TPGS1: variants seen among roughly 807,000 people sequenced by gnomAD.
TPGS1 encodes gene trap ROSA b-geo 22.
TPGS1 carries 18 observed loss-of-function variants against 11.9 expected under a neutral mutation model. The ratio of observed to expected loss-of-function variants is 1.51; its 90% CI spans 1.04 to 2.24. The LOEUF is 2.24. Among genes scored for constraint, TPGS1 ranks in the 30% most tolerant of loss-of-function variants. TPGS1 has a pLI of 0.00. For missense variants in TPGS1, 500 were observed against 443.0 expected, an observed-to-expected ratio of 1.13 and a Z score of -1.16; for synonymous variants, 247 against 218.2, an observed-to-expected ratio of 1.13 and a Z score of -1.16.
At chr19:510,158 G>A (rs1978742548) in intron 1 of TPGS1, 1 of 152,194 alleles carries the variant, frequency 6.6e-6, no homozygotes, top group Non-Finnish European at 1.5e-5. Flanking sequence ...CGGATCACAA[G>A]GTCAGGAGAT....
At chr19:514,947 G>A (rs371361413) in intron 1 of TPGS1, among the ~76,000 whole-genome samples, 3 of 152,186 alleles carry the variant, frequency 2.0e-5, no homozygotes, top group African/African-American at 7.2e-5. Flanking sequence ...CGAGTGGCAC[G>A]TAGTAAGGCC....
At position 518,907 on chromosome 19, in the gene TPGS1, C is replaced by A; in HGVS notation, c.357C>A (p.Asn119Lys). 2 of 1,546,178 alleles carry A rather than the reference C, an allele frequency of 1.3e-6. No individual in the cohort carries two copies. Among genetic ancestry groups the A allele is most frequent in the East Asian group, 4.8e-5 (2 of 41,632 alleles). The change falls in exon 2 of 2, where the codon AAC becomes AAA. Residue 119 changes from asparagine to lysine, a missense_variant. By Grantham distance (94) the Asn-to-Lys change is moderately conservative. Coordinates refer to ENST00000359315, the MANE Select transcript of TPGS1 (RefSeq NM_033513.3). ...TCCGCAGGGCCGCCTTCAACAACAA[C>A]GTGAGCGTGGCCTACGAGTGCCTGA... ...HHSQRAAFNN[N>K]VSVAYECLSA...
At chr19:512,977 G>T (rs1401130856) in intron 1 of TPGS1, among the ~76,000 whole-genome samples, 1 of 152,208 alleles carries the variant, frequency 6.6e-6, no homozygotes. Flanking sequence ...GCCGCCTCGC[G>T]TCGAGCCCCG....
intron 1 of TPGS1, among the ~76,000 whole-genome samples, chr19:513,054 G>A (rs1483073112): frequency 6.6e-6 from 1 of 152,238 alleles, no homozygotes; most frequent in Non-Finnish European, 1.5e-5. Flanking sequence ...AGCCGCCGCC[G>A]AGACGCTGTG....
rs16990489 is a variant in TPGS1, at chr19:507,731, C to T, written c.225C>T (p.Gly75=). ...TGGCTCACTACTTCGAGAACATGGGCCTGCGCTCGCCTGTAAACGGCGGCG... is the reference window on the plus strand; with the variant it reads ...TGGCTCACTACTTCGAGAACATGGGTCTGCGCTCGCCTGTAAACGGCGGCG... ...AFLAHYFENM[G]LRSPVNGGAG... is the part of the protein sequence containing the mutation. Residue 75 remains glycine (G), a synonymous_variant, in exon 1 of 2, where the codon GGC becomes GGT. Coordinates refer to ENST00000359315, the MANE Select transcript of TPGS1 (RefSeq NM_033513.3). 8.7e-3 allele frequency: 12,207 copies of T among 1,397,366 alleles called. 143 individuals are homozygous for T. Among genetic ancestry groups the T allele is most frequent in the African/African-American group, 0.051 (3,348 of 66,280 alleles). The allele number at this position is 1,397,366 out of a possible 1,614,324, so 86.6% of individuals were successfully genotyped here.
At chr19:510,720 GCCT>G in intron 1 of TPGS1, among the ~76,000 whole-genome samples, 1 of 152,320 alleles carries the variant, frequency 6.6e-6, no homozygotes, top group South Asian at 2.1e-4. Context: ...AGCCCCGGAG[GCCT>G]CCTCAGCCAC....
intron 1 of TPGS1, among the ~76,000 whole-genome samples, chr19:515,905 G>A (rs1184079193): frequency 3.3e-4 from 50 of 151,826 alleles, no homozygotes; most frequent in South Asian, 2.1e-4. Context: ...AGTGGCGGAC[G>A]CCTGTAGTCC....
At chr19:516,454 G>C (rs1471224191) in intron 1 of TPGS1, among the ~76,000 whole-genome samples, 1 of 148,468 alleles carries the variant, frequency 6.7e-6, no homozygotes, top group African/African-American at 2.5e-5. Flanking sequence ...GCGCCATCTT[G>C]GCTCACCGCA....
Position 507,528 on chromosome 19 carries a change from C to T in TPGS1, c.22C>T (p.Arg8Trp). 1 of 1,421,544 alleles carries T rather than the reference C, an allele frequency of 7.0e-7. No homozygotes were observed. Among genetic ancestry groups the T allele is most frequent in the Admixed American group, 2.9e-5 (1 of 33,944 alleles). 88.1% of individuals were successfully genotyped at this position (1,421,544 alleles called of 1,614,324 possible). ...GAAGATGGCGGCAGTGGAGAAGCGGCGGCAAGCGGTACCACCGCCGGCCGG... is the reference window on the plus strand; with the variant it reads ...GAAGATGGCGGCAGTGGAGAAGCGGTGGCAAGCGGTACCACCGCCGGCCGG... The part of the protein sequence containing the change: MAAVEKR[R>W]QAVPPPAGFT... The change falls in exon 1 of 2, where the codon CGG becomes TGG. Residue 8 changes from arginine to tryptophan, a missense_variant. By Grantham distance (101) the Arg-to-Trp change is moderately radical (BLOSUM62 -3). Coordinates refer to ENST00000359315, the MANE Select transcript of TPGS1 (RefSeq NM_033513.3).
At chr19:516,221 G>T (rs988605368) in intron 1 of TPGS1, among the ~76,000 whole-genome samples, 1 of 152,168 alleles carries the variant, frequency 6.6e-6, no homozygotes, top group Non-Finnish European at 1.5e-5. Context: ...AGTTTATCAA[G>T]GTGATCACCG....
chr19:519,074 C>T lies in TPGS1; in HGVS notation c.524C>T (p.Ala175Val). The T allele has an allele frequency of 6.5e-7, 1 of 1,534,800 alleles. No individual in the cohort carries two copies. The highest frequency in any genetic ancestry group is 8.7e-7 in the Non-Finnish European group (1 of 1,146,934). The change falls in exon 2 of 2, where the codon GCG becomes GTG. Residue 175 changes from alanine (A) to valine (V), a missense_variant. Transcript: ENST00000359315. ...LRKVQCRDHE[A>V]VPLSVFRAGT... Reference sequence around the variant, plus strand: ...AAGGTGCAGTGCCGTGACCACGAGGCGGTGCCGCTGAGCGTCTTCCGCGCG... The same window carrying T: ...AAGGTGCAGTGCCGTGACCACGAGGTGGTGCCGCTGAGCGTCTTCCGCGCG...
chr19:515,486 C>A (rs1162542857), intron 1 of TPGS1, among the ~76,000 whole-genome samples: 1 of 152,232 alleles, frequency 6.6e-6, no homozygotes, highest in Non-Finnish European at 1.5e-5. Flanking sequence ...ACCTGTAATC[C>A]CAGCACTTTG....
chr19:515,849 G>A (rs1410947198), intron 1 of TPGS1, among the ~76,000 whole-genome samples: 7 of 152,098 alleles, frequency 4.6e-5, no homozygotes, highest in Admixed American at 3.9e-4. Context: ...CGGCTAAAAC[G>A]GTGAAACCCC....
At chr19:514,650 T>C (rs767626481) in intron 1 of TPGS1, among the ~76,000 whole-genome samples, 6 of 152,232 alleles carry the variant, frequency 3.9e-5, no homozygotes, top group Admixed American at 6.5e-5. Context: ...CTCCTCACCA[T>C]GAAGCTGAGC....
At chr19:513,574 A>G (rs1295144060) in intron 1 of TPGS1, among the ~76,000 whole-genome samples, 1 of 137,068 alleles carries the variant, frequency 7.3e-6, no homozygotes, top group Non-Finnish European at 1.6e-5. Flanking sequence ...GCACCCGCCC[A>G]GCATTTACTG....
chr19:517,002 C>T (rs2145834747), intron 1 of TPGS1, among the ~76,000 whole-genome samples: 1 of 145,216 alleles, frequency 6.9e-6, no homozygotes, highest in East Asian at 2.0e-4. Context: ...ATGCCCCAGA[C>T]AGATGCCTGC....
chr19:511,089 G>A lies in TPGS1; in HGVS notation c.338+3245G>A, dbSNP rs145034212. On this transcript the variant is annotated intron_variant, in intron 1 of 1. Coordinates refer to ENST00000359315, the MANE Select transcript of TPGS1 (RefSeq NM_033513.3). The stretch of plus-strand genomic sequence containing the variant: ...CAAATGCTCACACGCCTTACAAACC[G>A]CTCTGTGTAGGAGCCGACACAGACG... 4.6e-3 allele frequency among the ~76,000 whole-genome samples: 694 copies of A among 152,330 alleles called. 29 individuals carry two copies. The East Asian group carries it at 0.084, about 19-fold the overall frequency.
intron 1 of TPGS1, chr19:508,782 A>C (rs990538757): frequency 6.6e-6 from 1 of 152,436 alleles, no homozygotes; most frequent in African/African-American, 2.4e-5. Context: ...GGGAGAAGAG[A>C]GATGGGGAGT....
chr19:518,815 C>A, intron 1 of TPGS1, 74 bp from the exon 2 acceptor site: 1 of 1,408,970 alleles, frequency 7.1e-7, no homozygotes, highest in East Asian at 2.7e-5. Context: ...AGGGCATAGG[C>A]CTGGCGAGGA....
Sources: allele counts gnomAD v4.1 joint callset (sites outside exome capture counted in the v4.1 genomes callset), GRCh38; gene constraint gnomAD v4.1.1; transcripts MANE v1.5; gene names NCBI Gene and HGNC (gene_info 2026-07-23, HGNC 2026-07-21).